The following CDH12 variants were observed in gnomAD, a reference collection of about 807,000 sequenced individuals.
CDH12 encodes cadherin 12, also known as cadherin-12.
A neutral mutation model predicts 74.1 loss-of-function variants in CDH12; 41 were observed. The observed-to-expected ratio is 0.55, with a 90% CI of 0.43 to 0.72. The LOEUF is 0.72. Among genes scored for constraint, CDH12 ranks in the 30% least tolerant of loss-of-function variants. The pLI is 0.00. For missense variants in CDH12, 945 were observed against 977.2 expected (o/e 0.97, Z 0.44); for synonymous variants, 399 against 355.0 (o/e 1.12, Z -1.39).
chr5:21,804,782 A>T (rs1333502753), intron 9 of CDH12, among the ~76,000 whole-genome samples: 1 of 152,030 alleles, frequency 6.6e-6, no homozygotes, highest in Non-Finnish European at 1.5e-5. Flanking sequence ...AATTCATTCA[A>T]CAAATTACAG....
intron 3 of CDH12, among the ~76,000 whole-genome samples, chr5:22,394,976 G>C (rs1742398597): frequency 6.6e-6 from 1 of 152,110 alleles, no homozygotes; most frequent in Non-Finnish European, 1.5e-5. Context: ...ATTTTCAGGG[G>C]CTGAGGTTAG....
chr5:21,934,941 C>A (rs1293747352), intron 6 of CDH12, among the ~76,000 whole-genome samples: 1 of 152,162 alleles, frequency 6.6e-6, no homozygotes, highest in African/African-American at 2.4e-5. Context: ...CGCCCGCCAT[C>A]ACGCCCGGCT....
At position 22,160,759 on chromosome 5, in the gene CDH12, CTATAT is replaced by C. The variant is rs568622396; in HGVS notation, c.-187+51734_-187+51738del. ...ACCAAGGAGCTCAACTCCCTTGGGC[CTATAT>C]TATAAGGGCACTAATCCTATTTATG... On this transcript the variant is annotated intron_variant, in intron 4 of 14. Coordinates refer to ENST00000382254, the MANE Select transcript of CDH12 (RefSeq NM_004061.5). Among the ~76,000 whole-genome samples the C allele has an allele frequency of 2.3e-3, 356 of 152,170 alleles. 1 individual carries two copies. Among genetic ancestry groups the C allele is most frequent in the African/African-American group, 8.1e-3 (338 of 41,492 alleles).
intron 3 of CDH12, among the ~76,000 whole-genome samples, chr5:22,332,733 C>G (rs1413980755): frequency 6.6e-6 from 1 of 152,116 alleles, no homozygotes; most frequent in African/African-American, 2.4e-5. Flanking sequence ...CATCAATGAT[C>G]ATTAAAGAAA....
intron 6 of CDH12, among the ~76,000 whole-genome samples, chr5:21,929,104 T>C (rs922955935): frequency 4.6e-5 from 7 of 151,812 alleles, no homozygotes; most frequent in African/African-American, 1.7e-4. Context: ...AGGCCAAATA[T>C]ATATTCAAAA....
intron 3 of CDH12, among the ~76,000 whole-genome samples, chr5:22,260,249 T>G (rs1561262834): frequency 1.3e-5 from 2 of 152,106 alleles, no homozygotes. Context: ...TGCACCCATG[T>G]GCACATGCAC....
At position 22,244,780 on chromosome 5, in the gene CDH12, GAAAGAAAGAAAGAAAGAAAGAA is replaced by G. The variant is rs1561251272; in HGVS notation, c.-332-32159_-332-32138del. ...AGAAAGAAAGAAAGAAAGAAAGAAA[GAAAGAAAGAAAGAAAGAAAGAA>G]AAATTCAAAGTAGGAGTGGGGAGCT... is the stretch of plus-strand genomic sequence containing the variant. On this transcript the variant is annotated intron_variant, in intron 3 of 14. Coordinates refer to ENST00000382254, the MANE Select transcript of CDH12 (RefSeq NM_004061.5). Among the ~76,000 whole-genome samples the G allele has an allele frequency of 9.0e-3, 1,120 of 124,234 alleles. 27 individuals carry two copies. Among genetic ancestry groups the G allele is most frequent in the East Asian group, 0.081 (385 of 4,748 alleles). The allele number at this position is 124,234 out of a possible 152,430, so 81.5% of individuals were successfully genotyped here.
At chr5:22,185,197 CTCTT>C (rs1749864370) in intron 4 of CDH12, among the ~76,000 whole-genome samples, 1 of 108,664 alleles carries the variant, frequency 9.2e-6, no homozygotes, top group South Asian at 3.0e-4. Flanking sequence ...CTCTCTCTCT[CTCTT>C]TTTTTTTTTT....
At chr5:21,988,249 T>C (rs1284825040) in intron 5 of CDH12, among the ~76,000 whole-genome samples, 1 of 152,042 alleles carries the variant, frequency 6.6e-6, no homozygotes, top group Non-Finnish European at 1.5e-5. Context: ...CTCAGCACTT[T>C]GGGAGGCTGA....
At chr5:22,359,838 C>G (rs140464269) in intron 3 of CDH12, among the ~76,000 whole-genome samples, 61 of 151,974 alleles carry the variant, frequency 4.0e-4, no homozygotes, top group Admixed American at 1.4e-3. Context: ...GTACTGGGTA[C>G]GTAACGAAAT....
At chr5:21,796,486 T>C (rs571117145) in intron 10 of CDH12, among the ~76,000 whole-genome samples, 1 of 150,550 alleles carries the variant, frequency 6.6e-6, no homozygotes, top group South Asian at 2.1e-4. Flanking sequence ...TGAATCTTTA[T>C]GAGTCGGGGA....
At chr5:22,377,239 A>G (rs1741567644) in intron 3 of CDH12, among the ~76,000 whole-genome samples, 1 of 152,216 alleles carries the variant, frequency 6.6e-6, no homozygotes, top group Admixed American at 6.5e-5. Flanking sequence ...TGCAAAATAA[A>G]CTGGCTTCTC....
intron 3 of CDH12, among the ~76,000 whole-genome samples, chr5:22,305,183 C>T (rs929064039): frequency 6.6e-6 from 1 of 152,044 alleles, no homozygotes; most frequent in East Asian, 1.9e-4. Flanking sequence ...ATTCTTTATT[C>T]CTGAGTCATA....
At chr5:21,788,142 A>G (rs1579702725) in intron 10 of CDH12, among the ~76,000 whole-genome samples, 1 of 152,176 alleles carries the variant, frequency 6.6e-6, no homozygotes, top group East Asian at 1.9e-4. Flanking sequence ...TTGGGAAGAC[A>G]TGTATAAACA....
rs1561586190 is a variant in CDH12, at chr5:22,698,741, T to TATATA, written c.-523+154316_-523+154317insTATAT. 1.7e-4 allele frequency among the ~76,000 whole-genome samples: 6 copies of TATATA among 35,582 alleles called. 1 individual carries two copies. The highest frequency in any genetic ancestry group is 2.3e-4 in the Non-Finnish European group (4 of 17,640). 23.3% of individuals were successfully genotyped at this position (35,582 alleles called of 152,430 possible). ...TATATATATATATATATATAGTGTG[T>TATATA]GTGTGTGTGTGTGTGTGTGTGTGTG... is the stretch of plus-strand genomic sequence containing the variant. On this transcript the variant is annotated intron_variant, in intron 1 of 14. Transcript: ENST00000382254.
chr5:22,834,627 T>C (rs1736746940), intron 1 of CDH12, among the ~76,000 whole-genome samples: 1 of 152,154 alleles, frequency 6.6e-6, no homozygotes, highest in Non-Finnish European at 1.5e-5. Flanking sequence ...ACTCAGGAGA[T>C]CAAGTGTCTT....
intron 1 of CDH12, among the ~76,000 whole-genome samples, chr5:22,654,183 T>C (rs1256561937): frequency 1.5e-5 from 2 of 135,300 alleles, no homozygotes; most frequent in Non-Finnish European, 3.0e-5. Context: ...CCTTTCTTCT[T>C]TCTTTCTTTC....
intron 1 of CDH12, among the ~76,000 whole-genome samples, chr5:22,624,786 TTGAC>T (rs1442547857): frequency 6.6e-6 from 1 of 152,162 alleles, no homozygotes; most frequent in Non-Finnish European, 1.5e-5. Flanking sequence ...GAAATACCAT[TTGAC>T]ACAGCAATTC....
At chr5:22,295,947 C>A (rs1368607978) in intron 3 of CDH12, among the ~76,000 whole-genome samples, 1 of 151,914 alleles carries the variant, frequency 6.6e-6, no homozygotes, top group Admixed American at 6.6e-5. Context: ...CGCATCATTT[C>A]TATAGGTATT....
Sources: gnomAD v4.1 joint callset for allele counts (sites outside exome capture counted in the v4.1 genomes callset) on GRCh38, gnomAD v4.1.1 for gene constraint, MANE v1.5 for transcripts, NCBI Gene and HGNC (gene_info 2026-07-23, HGNC 2026-07-21) for gene names.